The following PTPRD variants were observed in gnomAD, a reference collection of about 807,000 sequenced individuals.
The protein encoded by PTPRD is receptor-type tyrosine-protein phosphatase delta.
PTPRD carries 34 observed loss-of-function variants against 214.5 expected under a neutral mutation model. The ratio of observed to expected loss-of-function variants is 0.16; its 90% CI spans 0.12 to 0.21. The LOEUF (loss-of-function observed/expected upper bound fraction) is 0.21, where lower values mean the gene tolerates loss of function less well. PTPRD is among the 10% of genes least tolerant of loss of function. PTPRD has a pLI of 1.00. For missense variants in PTPRD, 2,545 were observed against 2,398.7 expected (o/e 1.06, Z -1.27); for synonymous variants, 1,128 against 845.7 (o/e 1.33, Z -5.79).
chr9:8,937,305 G>T lies in PTPRD; in HGVS notation c.-104+81392C>A, dbSNP rs141686853. Reference sequence around the variant, plus strand: ...GGATTTACAGTTAGTCACATACAGAGAAATGTTTAATTTCACATCAGTTCA... The same window carrying T: ...GGATTTACAGTTAGTCACATACAGATAAATGTTTAATTTCACATCAGTTCA... On this transcript the variant is annotated intron_variant, in intron 11 of 45. Transcript: ENST00000381196. Among the ~76,000 whole-genome samples the T allele has an allele frequency of 8.0e-3, 1,217 of 152,216 alleles. 23 individuals carry two copies. The highest frequency in any genetic ancestry group is 0.041 in the Middle Eastern group (12 of 294).
chr9:8,972,562 G>T (rs1196254142), intron 11 of PTPRD, among the ~76,000 whole-genome samples: 1 of 151,718 alleles, frequency 6.6e-6, no homozygotes, highest in Admixed American at 6.6e-5. Flanking sequence ...TGAAAGAAAA[G>T]AACAAATTAA....
intron 35 of PTPRD, among the ~76,000 whole-genome samples, chr9:8,417,948 A>T (rs1303886313): frequency 6.6e-6 from 1 of 152,156 alleles, no homozygotes; most frequent in Non-Finnish European, 1.5e-5. Context: ...TTGTTTTTGA[A>T]TGCCTATTGC....
Position 9,529,786 on chromosome 9 carries a change from A to G in PTPRD, c.-237+44946T>C, listed in dbSNP as rs1363123191. Reference sequence around the variant, plus strand: ...CAATTCCTCTCTAGGTATTTACCCAATGAATATATATATAAATATATTTAC... The same window carrying G: ...CAATTCCTCTCTAGGTATTTACCCAGTGAATATATATATAAATATATTTAC... On this transcript the variant is annotated intron_variant, in intron 8 of 45. Transcript: ENST00000381196. Among the ~76,000 whole-genome samples the G allele has an allele frequency of 3.9e-5, 6 of 151,918 alleles. No homozygotes were observed. The South Asian group carries it at 1.0e-3, about 26-fold the overall frequency.
chr9:8,787,570 T>A (rs1433096092), intron 11 of PTPRD, among the ~76,000 whole-genome samples: 1 of 152,166 alleles, frequency 6.6e-6, no homozygotes, highest in Non-Finnish European at 1.5e-5. Context: ...CCTAGATCCA[T>A]CTGGATCTTT....
At chr9:9,683,691 T>G (rs1217346801) in intron 7 of PTPRD, among the ~76,000 whole-genome samples, 1 of 151,648 alleles carries the variant, frequency 6.6e-6, no homozygotes, top group Non-Finnish European at 1.5e-5. Flanking sequence ...CACATTATAA[T>G]AGGAATCCAC....
intron 2 of PTPRD, among the ~76,000 whole-genome samples, chr9:10,538,177 G>C (rs1305944086): frequency 6.6e-6 from 1 of 151,530 alleles, no homozygotes; most frequent in Non-Finnish European, 1.5e-5. Flanking sequence ...GGATTTGTTT[G>C]GCTTATCCAT....
intron 7 of PTPRD, among the ~76,000 whole-genome samples, chr9:9,724,985 C>T (rs976908912): frequency 2.6e-5 from 4 of 152,168 alleles, no homozygotes; most frequent in African/African-American, 9.6e-5. Context: ...GGTGTCCCTT[C>T]CTGCATTCCC....
intron 11 of PTPRD, among the ~76,000 whole-genome samples, chr9:8,960,920 C>T (rs561171597): frequency 1.3e-5 from 2 of 152,154 alleles, no homozygotes; most frequent in South Asian, 4.1e-4. Context: ...TAAATCTATT[C>T]ATTAATATTT....
chr9:10,091,301 G>C (rs184784217), intron 3 of PTPRD, among the ~76,000 whole-genome samples: 14 of 151,426 alleles, frequency 9.2e-5, no homozygotes, highest in African/African-American at 3.4e-4. Context: ...ATAGTAAAAG[G>C]AGAATTATTT....
chr9:9,979,128 T>A (rs1160290114), intron 4 of PTPRD, among the ~76,000 whole-genome samples: 3 of 152,010 alleles, frequency 2.0e-5, no homozygotes, highest in African/African-American at 7.2e-5. Context: ...ATGAGAAATG[T>A]CAGAGGATGT....
intron 14 of PTPRD, among the ~76,000 whole-genome samples, chr9:8,620,430 C>G (rs1197403389): frequency 6.6e-6 from 1 of 151,964 alleles, no homozygotes; most frequent in African/African-American, 2.4e-5. Context: ...TGCCACTAGA[C>G]TTTAGAGCTA....
At chr9:9,402,731 A>G (rs150385979) in intron 8 of PTPRD, among the ~76,000 whole-genome samples, 1,036 of 35,250 alleles carry the variant, frequency 0.029, 12 homozygotes, top group African/African-American at 0.11. Flanking sequence ...TGTGAAAGAC[A>G]TATCAAAAAA....
chr9:8,722,533 G>C (rs1565560440), intron 12 of PTPRD, among the ~76,000 whole-genome samples: 1 of 151,670 alleles, frequency 6.6e-6, no homozygotes, highest in African/African-American at 2.4e-5. Flanking sequence ...AGTTTACCAG[G>C]AAATATTTTA....
chr9:9,444,902 C>T (rs2089822057), intron 8 of PTPRD, among the ~76,000 whole-genome samples: 1 of 152,164 alleles, frequency 6.6e-6, no homozygotes, highest in Non-Finnish European at 1.5e-5. Context: ...ATTGACCCTA[C>T]TTTCTGACCT....
intron 2 of PTPRD, among the ~76,000 whole-genome samples, chr9:10,420,660 A>G (rs1278694983): frequency 1.3e-5 from 2 of 151,598 alleles, no homozygotes; most frequent in African/African-American, 4.8e-5. Context: ...TCTCAACTGA[A>G]CTCCTAATCC....
chr9:9,551,285 A>G (rs139673469), intron 8 of PTPRD, among the ~76,000 whole-genome samples: 358 of 152,042 alleles, frequency 2.4e-3, no homozygotes, highest in African/African-American at 8.3e-3. Flanking sequence ...AAGCTGACAA[A>G]CGGAGGTCAA....
chr9:10,209,143 A>G (rs2099501718), intron 3 of PTPRD, among the ~76,000 whole-genome samples: 1 of 152,178 alleles, frequency 6.6e-6, no homozygotes, highest in South Asian at 2.1e-4. Flanking sequence ...TGTATTGCAT[A>G]CAATATGCCA....
At chr9:8,874,536 C>A (rs532485015) in intron 11 of PTPRD, among the ~76,000 whole-genome samples, 1 of 152,278 alleles carries the variant, frequency 6.6e-6, no homozygotes, top group Admixed American at 6.5e-5. Flanking sequence ...GCATCTCATA[C>A]TCTTCACCCT....
intron 5 of PTPRD, among the ~76,000 whole-genome samples, chr9:9,873,122 C>G (rs1031437883): frequency 6.6e-6 from 1 of 152,132 alleles, no homozygotes; most frequent in South Asian, 2.1e-4. Context: ...TTCACTGAAT[C>G]TCCTACCATA....
Sources: gnomAD v4.1 joint callset for allele counts (sites outside exome capture counted in the v4.1 genomes callset) on GRCh38, gnomAD v4.1.1 for gene constraint, MANE v1.5 for transcripts, NCBI Gene and HGNC (gene_info 2026-07-23, HGNC 2026-07-21) for gene names.